Variants in SLC25A48 observed in about 807,000 individuals in gnomAD.
SLC25A48 encodes the protein CTC-321K16.1.
A neutral mutation model predicts 32.2 loss-of-function variants in SLC25A48; 29 were observed. That is an observed-to-expected ratio of 0.90 (90% CI 0.67 to 1.23). The LOEUF (loss-of-function observed/expected upper bound fraction) is 1.23. Ranked by LOEUF, SLC25A48 falls within the 50% of genes most tolerant of loss-of-function variation. The pLI, the probability that SLC25A48 is intolerant of heterozygous loss-of-function variation, is 0.00. For synonymous variants in SLC25A48, 164 were observed against 172.3 expected (o/e 0.95, Z 0.38); for missense variants, 399 against 422.7 (o/e 0.94, Z 0.49).
chr5:135,866,615 C>T (rs1182489579), intron 4 of SLC25A48, among the ~76,000 whole-genome samples: 2 of 152,198 alleles, frequency 1.3e-5, no homozygotes, highest in Non-Finnish European at 2.9e-5. Flanking sequence ...CAAAATAAAA[C>T]TCCCTGAAGA....
rs1221223543 is a variant in SLC25A48, at chr5:135,801,303, G to T, written c.-520-11220G>T. 2.0e-5 allele frequency among the ~76,000 whole-genome samples: 3 copies of T among 151,120 alleles called. No individual in the cohort carries two copies. In the South Asian group the frequency reaches 6.3e-4, roughly 32 times the overall value. On this transcript the variant is annotated intron_variant, in intron 3 of 10. Coordinates refer to the SLC25A48 transcript ENST00000646290. ...ATGATATTACTTCCAATATCGCAGG[G>T]GGTGTATACTCCCCTGTGATATTCT...
Position 135,631,815 on chromosome 5 carries a change from A to G in SLC25A48, c.-709+2439A>G, listed in dbSNP as rs144969829. On this transcript the variant is annotated intron_variant, in intron 2 of 10. Coordinates refer to the SLC25A48 transcript ENST00000646290. ...ATTTATCCCTATACGGAGGACTGCC[A>G]CATGATTTAAAGAGTTTCTCAATCC... 3.8e-3 allele frequency among the ~76,000 whole-genome samples: 580 copies of G among 152,378 alleles called. 4 individuals are homozygous for G. The highest frequency in any genetic ancestry group is 0.024 in the Middle Eastern group (7 of 294).
At chr5:135,656,263 G>A (rs1297416619) in intron 3 of SLC25A48, among the ~76,000 whole-genome samples, 4 of 150,764 alleles carry the variant, frequency 2.7e-5, no homozygotes. Context: ...GACCACATTG[G>A]CCAGCACACG....
At chr5:135,675,982 C>T (rs1043642634) in intron 3 of SLC25A48, among the ~76,000 whole-genome samples, 3 of 151,698 alleles carry the variant, frequency 2.0e-5, no homozygotes, top group African/African-American at 7.3e-5. Context: ...AATTGGATTG[C>T]CTTATTGATT....
chr5:135,741,629 T>A (rs749840809), intron 3 of SLC25A48, among the ~76,000 whole-genome samples: 2 of 151,976 alleles, frequency 1.3e-5, no homozygotes, highest in Non-Finnish European at 2.9e-5. Flanking sequence ...TCCCAGCTAT[T>A]TGGGAGGCTG....
At chr5:135,823,654 A>T (rs1186076277) in intron 4 of SLC25A48, among the ~76,000 whole-genome samples, 1 of 152,228 alleles carries the variant, frequency 6.6e-6, no homozygotes, top group Non-Finnish European at 1.5e-5. Flanking sequence ...TAATCAAGAA[A>T]CCACACAGTC....
At chr5:135,606,707 C>T (rs1390619139) in intron 1 of SLC25A48, among the ~76,000 whole-genome samples, 1 of 152,222 alleles carries the variant, frequency 6.6e-6, no homozygotes, top group Non-Finnish European at 1.5e-5. Flanking sequence ...CTTTCAGGGT[C>T]AGTGAAACTT....
intron 3 of SLC25A48, among the ~76,000 whole-genome samples, chr5:135,661,872 T>C (rs1753407029): frequency 1.3e-5 from 2 of 152,176 alleles, no homozygotes; most frequent in African/African-American, 4.8e-5. Flanking sequence ...CACAGTGTAG[T>C]TTACTCATGC....
intron 3 of SLC25A48, among the ~76,000 whole-genome samples, chr5:135,804,158 A>G (rs1757405000): frequency 1.3e-5 from 2 of 151,680 alleles, no homozygotes; most frequent in South Asian, 4.2e-4. Context: ...GAAGGTGTCC[A>G]CAGACAGGGT....
chr5:135,699,429 G>A (rs939978272), intron 3 of SLC25A48, among the ~76,000 whole-genome samples: 3 of 150,012 alleles, frequency 2.0e-5, no homozygotes, highest in African/African-American at 7.3e-5. Context: ...AGACATGGAA[G>A]AATGAGACCA....
At chr5:135,831,758 G>A (rs1055786950), upstream of SLC25A48, among the ~76,000 whole-genome samples, 2 of 152,218 alleles carry the variant, frequency 1.3e-5, no homozygotes, top group Non-Finnish European at 2.9e-5. Flanking sequence ...TGGGGAATTG[G>A]AATTTATGCT....
chr5:135,586,729 C>T lies in SLC25A48; in HGVS notation c.-849+7132C>T, dbSNP rs113724016. On this transcript the variant is annotated intron_variant, in intron 1 of 10. Coordinates refer to the SLC25A48 transcript ENST00000646290. ...GGTCAAGGAAACTGTAGGATGCTAA[C>T]GGAGCCCTGTGTGTGTAGGGCAGGG... is the stretch of plus-strand genomic sequence containing the variant. 8.4e-3 allele frequency among the ~76,000 whole-genome samples: 1,283 copies of T among 152,256 alleles called. 29 individuals are homozygous for T. The highest frequency in any genetic ancestry group is 0.029 in the African/African-American group (1,185 of 41,550).
chr5:135,818,155 C>T (rs559569203), intron 4 of SLC25A48, among the ~76,000 whole-genome samples: 1 of 147,820 alleles, frequency 6.8e-6, no homozygotes, highest in East Asian at 2.1e-4. Flanking sequence ...CAGCTTTGCC[C>T]AGAAGGCACA....
rs190008918 is a variant in SLC25A48, at chr5:135,783,461, G to A, written c.-520-29062G>A. Reference sequence around the variant, plus strand: ...AGGGGAAAAGAGCATGATATTATTCGCACTATTGCAGGGGCTTTACATACT... The same window carrying A: ...AGGGGAAAAGAGCATGATATTATTCACACTATTGCAGGGGCTTTACATACT... On this transcript the variant is annotated intron_variant, in intron 3 of 10. Coordinates refer to the SLC25A48 transcript ENST00000646290. Among the ~76,000 whole-genome samples, 40 of 100,182 alleles carry A rather than the reference G, an allele frequency of 4.0e-4. 12 individuals carry two copies. The highest frequency in any genetic ancestry group is 9.4e-4 in the Non-Finnish European group (38 of 40,230). 65.7% of individuals were successfully genotyped at this position (100,182 alleles called of 152,430 possible). A position where few individuals can be genotyped will look rare whatever the true frequency, so the allele number is the denominator to read the frequency against.
intron 3 of SLC25A48, among the ~76,000 whole-genome samples, chr5:135,642,345 C>T (rs1193121874): frequency 1.3e-5 from 2 of 152,296 alleles, no homozygotes; most frequent in South Asian, 2.1e-4. Context: ...TGAGAGGTAG[C>T]AGGGCTCTGG....
At chr5:135,709,076 G>T (rs183289710) in intron 3 of SLC25A48, among the ~76,000 whole-genome samples, 1 of 152,160 alleles carries the variant, frequency 6.6e-6, no homozygotes, top group Non-Finnish European at 1.5e-5. Flanking sequence ...AACAGATTTT[G>T]GTTCACATAC....
At chr5:135,742,537 T>G in intron 3 of SLC25A48, 1 of 1,472,244 alleles carries the variant, frequency 6.8e-7, no homozygotes. Flanking sequence ...TCCCAAACAA[T>G]ACCAAGATTT....
intron 3 of SLC25A48, among the ~76,000 whole-genome samples, chr5:135,796,524 A>G (rs889957468): frequency 6.6e-6 from 1 of 151,074 alleles, no homozygotes; most frequent in Non-Finnish European, 1.5e-5. Context: ...TGAGAGGATG[A>G]TATTACTCCC....
chr5:135,791,567 G>T (rs1398492092), intron 3 of SLC25A48, among the ~76,000 whole-genome samples: 1 of 151,584 alleles, frequency 6.6e-6, no homozygotes, highest in African/African-American at 2.4e-5. Context: ...TACTCCTAAT[G>T]TCAGAACTGG....
Sources: allele counts gnomAD v4.1 joint callset (sites outside exome capture counted in the v4.1 genomes callset), GRCh38; gene constraint gnomAD v4.1.1; transcripts MANE v1.5; gene names NCBI Gene and HGNC (gene_info 2026-07-23, HGNC 2026-07-21).